SHB: variants seen among roughly 807,000 people sequenced by gnomAD.
SHB encodes SH2 domain containing adaptor protein B.
SHB carries 20 observed loss-of-function variants against 52.3 expected under a neutral mutation model. The observed-to-expected ratio is 0.38, with a 90% CI of 0.27 to 0.56. SHB has a LOEUF of 0.56. Ranked by LOEUF, SHB falls within the 20% of genes least tolerant of loss-of-function variation. The pLI is 0.71. For missense variants in SHB, 825 were observed against 723.3 expected (o/e 1.14, Z -1.61); for synonymous variants, 397 against 316.5 (o/e 1.25, Z -2.70).
chr9:38,034,022 C>T (rs530172007), intron 1 of SHB, among the ~76,000 whole-genome samples: 19 of 152,300 alleles, frequency 1.2e-4, no homozygotes, highest in African/African-American at 4.1e-4. Context: ...GCTCACCCTT[C>T]GCCATTAAAA....
intron 2 of SHB, among the ~76,000 whole-genome samples, chr9:37,975,619 G>A (rs1237811182): frequency 6.6e-6 from 1 of 152,214 alleles, no homozygotes; most frequent in Non-Finnish European, 1.5e-5. Context: ...GCCAGTAGTG[G>A]CTGGAAGGAT....
At position 37,944,784 on chromosome 9, in the gene SHB, G is replaced by A. The variant is rs776765208; in HGVS notation, c.1346+3851C>T. Among the ~76,000 whole-genome samples the A allele has an allele frequency of 5.0e-4, 76 of 152,114 alleles. 2 individuals are homozygous for A. The highest frequency in any genetic ancestry group is 3.1e-4 in the Non-Finnish European group (21 of 68,024). ...CCCCTCTACCTGAGCTGCCCTGCTA[G>A]CCGTCCCTGTCTGGGGAACACCTGC... On this transcript the variant is annotated intron_variant, in intron 5 of 5. Transcript: ENST00000377707.
At chr9:37,942,157 C>A (rs566195898) in intron 5 of SHB, among the ~76,000 whole-genome samples, 22 of 152,352 alleles carry the variant, frequency 1.4e-4, no homozygotes, top group African/African-American at 5.3e-4. Flanking sequence ...CTGTTACACC[C>A]ACCCAACCTC....
At chr9:37,974,557 G>T (rs1820629593) in intron 3 of SHB, 65 bp downstream of exon 3, 2 of 1,409,124 alleles carry the variant, frequency 1.4e-6, no homozygotes, top group African/African-American at 1.4e-5. Flanking sequence ...AGCGCAGGTG[G>T]GGACCAAGGT....
At chr9:38,004,688 T>C (rs1039247915) in intron 2 of SHB, among the ~76,000 whole-genome samples, 1 of 151,670 alleles carries the variant, frequency 6.6e-6, no homozygotes, top group Non-Finnish European at 1.5e-5. Context: ...TGGTGAGGAG[T>C]TGCCAGAGAG....
chr9:37,989,089 A>T (rs72726017), intron 2 of SHB, among the ~76,000 whole-genome samples: 35 of 150,728 alleles, frequency 2.3e-4, no homozygotes, highest in South Asian at 4.2e-4. Flanking sequence ...ACACACACAC[A>T]CTCTCTCTCA....
At position 38,053,705 on chromosome 9, in the gene SHB, C is replaced by G. The variant is rs1236021659; in HGVS notation, c.717+14224G>C. Among the ~76,000 whole-genome samples, 3 of 152,166 alleles carry G rather than the reference C, an allele frequency of 2.0e-5. No individual in the cohort carries two copies. In the East Asian group the frequency reaches 5.8e-4, roughly 29 times the overall value. On this transcript the variant is annotated intron_variant, in intron 1 of 5. Coordinates refer to ENST00000377707, the MANE Select transcript of SHB (RefSeq NM_003028.3). ...CTCTCTGAGGACCACATCATCAGCC[C>G]AGACAGGGCAACCCCACTGACTTTA...
intron 5 of SHB, among the ~76,000 whole-genome samples, chr9:37,947,375 G>C (rs1832504571): frequency 6.6e-6 from 1 of 152,198 alleles, no homozygotes; most frequent in African/African-American, 2.4e-5. Context: ...TGGCTATTAG[G>C]AAACTTTTCC....
chr9:38,035,869 G>A (rs564430625), intron 1 of SHB, among the ~76,000 whole-genome samples: 10 of 152,202 alleles, frequency 6.6e-5, no homozygotes, highest in Non-Finnish European at 1.2e-4. Flanking sequence ...TGATTTAAGT[G>A]GCCCAAGGTG....
rs1470980412 is a variant in SHB at position 37,916,005 on chromosome 9, T to G, written c.*3816A>C. On this transcript the variant is annotated 3_prime_UTR_variant, in exon 6 of 6. Coordinates refer to ENST00000377707, the MANE Select transcript of SHB (RefSeq NM_003028.3). ...ACAAGAGACTTCAGCAGTAGGTGGC[T>G]GGTTTAAGGCTCCTGGCAGGGATGC... Among the ~76,000 whole-genome samples the G allele has an allele frequency of 1.3e-5, 2 of 152,246 alleles. No homozygotes were observed. Among genetic ancestry groups the G allele is most frequent in the Non-Finnish European group, 2.9e-5 (2 of 68,048 alleles).
chr9:37,976,943 A>G (rs566428519), intron 2 of SHB, among the ~76,000 whole-genome samples: 84 of 152,310 alleles, frequency 5.5e-4, no homozygotes, highest in African/African-American at 1.9e-3. Context: ...TCATGTGGAC[A>G]CACGCCACGA....
intron 1 of SHB, among the ~76,000 whole-genome samples, chr9:38,018,448 G>A (rs906399507): frequency 1.3e-5 from 2 of 151,688 alleles, no homozygotes; most frequent in Admixed American, 1.3e-4. Context: ...AAAAGCCCCT[G>A]GTCTCTGCTG....
rs761478117 is a variant in SHB at position 37,919,952 on chromosome 9, C to T, written c.1399G>A (p.Val467Ile). 6 of 1,614,112 alleles carry T rather than the reference C, an allele frequency of 3.7e-6. No individual in the cohort carries two copies. The highest frequency in any genetic ancestry group is 1.1e-5 in the South Asian group (1 of 91,088). Reference sequence around the variant, plus strand: ...AACGGAGGGCTGTTCTGACCCAGAACGTATTTCTCTTTGGTTTTGGCCAGT... The same window carrying T: ...AACGGAGGGCTGTTCTGACCCAGAATGTATTTCTCTTTGGTTTTGGCCAGT... ...MKLAKTKEKY[V>I]LGQNSPPFDS... The change falls in exon 6 of 6, where the codon GTT becomes ATT. Residue 467 changes from valine to isoleucine, a missense_variant. Physicochemically the swap from Val to Ile is conservative, Grantham distance 29. Coordinates refer to ENST00000377707, the MANE Select transcript of SHB (RefSeq NM_003028.3).
At chr9:38,010,328 G>A (rs1289040422) in intron 2 of SHB, among the ~76,000 whole-genome samples, 3 of 152,166 alleles carry the variant, frequency 2.0e-5, no homozygotes, top group Non-Finnish European at 4.4e-5. Context: ...TAACTCCTTG[G>A]TTACCTCTGA....
At chr9:37,943,767 C>T (rs145421182) in intron 5 of SHB, among the ~76,000 whole-genome samples, 2 of 152,280 alleles carry the variant, frequency 1.3e-5, no homozygotes, top group African/African-American at 2.4e-5. Flanking sequence ...GCACTCACCC[C>T]GCCTCCCTGC....
At chr9:37,975,004 C>T (rs996468332) in intron 2 of SHB, among the ~76,000 whole-genome samples, 167 bp from the exon 3 acceptor site, 1 of 152,136 alleles carries the variant, frequency 6.6e-6, no homozygotes, top group African/African-American at 2.4e-5. Flanking sequence ...CCCAGTGCCG[C>T]GTCTCTGCTC....
At chr9:38,013,581 G>A (rs1466861994) in intron 2 of SHB, among the ~76,000 whole-genome samples, 5 of 152,224 alleles carry the variant, frequency 3.3e-5, no homozygotes, top group Non-Finnish European at 7.3e-5. Flanking sequence ...TCCAGCCTGG[G>A]CAACAGAGGA....
At chr9:37,977,127 G>T (rs969790135) in intron 2 of SHB, among the ~76,000 whole-genome samples, 3 of 151,906 alleles carry the variant, frequency 2.0e-5, no homozygotes, top group Admixed American at 6.6e-5. Context: ...TATTTATCTC[G>T]CCTCACTTTT....
At chr9:37,981,203 G>T (rs1035766712) in intron 2 of SHB, among the ~76,000 whole-genome samples, 1 of 152,210 alleles carries the variant, frequency 6.6e-6, no homozygotes, top group Non-Finnish European at 1.5e-5. Flanking sequence ...AGGCTGCTTT[G>T]TCTACACTGA....
Sources: gnomAD v4.1 joint callset for allele counts (sites outside exome capture counted in the v4.1 genomes callset) on GRCh38, gnomAD v4.1.1 for gene constraint, MANE v1.5 for transcripts, NCBI Gene and HGNC (gene_info 2026-07-23, HGNC 2026-07-21) for gene names.